DISC1: variants seen among roughly 807,000 people sequenced by gnomAD.
DISC1 encodes the protein DISC1 scaffold protein.
In DISC1, 57 loss-of-function variants were observed where a neutral mutation model predicts 84.5. The observed-to-expected ratio is 0.67, with a 90% CI of 0.55 to 0.84. The LOEUF (loss-of-function observed/expected upper bound fraction) is 0.84. Among genes scored for constraint, DISC1 ranks in the 40% least tolerant of loss-of-function variants. The pLI is 0.00. For missense variants in DISC1, 1,000 were observed against 1,057.8 expected (o/e 0.95, Z 0.76); for synonymous variants, 411 against 415.2 (o/e 0.99, Z 0.12).
intron 9 of DISC1, among the ~76,000 whole-genome samples, chr1:231,906,323 A>C (rs913925234): frequency 6.6e-6 from 1 of 152,170 alleles, no homozygotes; most frequent in Non-Finnish European, 1.5e-5. Context: ...TGCCCGGTCA[A>C]GGGCATGGAT....
intron 10 of DISC1, among the ~76,000 whole-genome samples, chr1:231,975,051 A>C (rs1382595545): frequency 2.0e-5 from 3 of 152,218 alleles, no homozygotes; most frequent in African/African-American, 7.2e-5. Context: ...GTGAGCTGAG[A>C]TCGCACCACT....
At chr1:231,679,526 T>G (rs1485392483) in intron 1 of DISC1, among the ~76,000 whole-genome samples, 2 of 152,240 alleles carry the variant, frequency 1.3e-5, no homozygotes, top group African/African-American at 4.8e-5. Flanking sequence ...GTTTAGTTGC[T>G]TTCCACAATG....
chr1:231,785,284 T>TATTA lies in DISC1; in HGVS notation c.1635-9955_1635-9954insAATT, dbSNP rs1410335922. On this transcript the variant is annotated intron_variant, in intron 6 of 12. Transcript: ENST00000439617. Reference sequence around the variant, plus strand: ...TTATTTATTTATTTATTTATTTATTTATTTATTTATTTAGAGACAAAGTCT... The same window carrying TATTA: ...TTATTTATTTATTTATTTATTTATTTATTAATTTATTTATTTAGAGACAAAGTCT... Among the ~76,000 whole-genome samples, 426 of 150,954 alleles carry TATTA rather than the reference T, an allele frequency of 2.8e-3. 2 individuals carry two copies. The highest frequency in any genetic ancestry group is 9.8e-3 in the African/African-American group (403 of 41,058).
intron 10 of DISC1, among the ~76,000 whole-genome samples, chr1:232,007,774 G>A (rs1043979087): frequency 6.6e-6 from 1 of 152,108 alleles, no homozygotes; most frequent in African/African-American, 2.4e-5. Flanking sequence ...AGAGGGGCTG[G>A]GGTGAAATGA....
chr1:231,719,019 G>A (rs145055768), intron 3 of DISC1, among the ~76,000 whole-genome samples: 1 of 152,152 alleles, frequency 6.6e-6, no homozygotes, highest in Non-Finnish European at 1.5e-5. Flanking sequence ...CAGCTACATG[G>A]GAGGCTGAGG....
chr1:231,855,997 T>A (rs73093434), intron 9 of DISC1, among the ~76,000 whole-genome samples: 1 of 152,312 alleles, frequency 6.6e-6, no homozygotes, highest in African/African-American at 2.4e-5. Context: ...GGTGACTATC[T>A]GGCGATGACA....
At chr1:231,851,983 G>A (rs2083933214) in intron 9 of DISC1, among the ~76,000 whole-genome samples, 2 of 152,140 alleles carry the variant, frequency 1.3e-5, no homozygotes, top group Admixed American at 1.3e-4. Flanking sequence ...TTAGGAGGAG[G>A]TCTGGCTGCT....
At chr1:231,950,535 G>C (rs1460042774) in intron 9 of DISC1, among the ~76,000 whole-genome samples, 3 of 152,182 alleles carry the variant, frequency 2.0e-5, no homozygotes, top group African/African-American at 4.8e-5. Flanking sequence ...GCTGTGAAGT[G>C]AACCTGCTTG....
intron 7 of DISC1, among the ~76,000 whole-genome samples, chr1:231,795,871 A>G (rs1000498256): frequency 6.6e-6 from 1 of 152,154 alleles, no homozygotes; most frequent in African/African-American, 2.4e-5. Context: ...CCTGGGAGAC[A>G]GAGCGAGACT....
At chr1:231,867,904 G>GAGC (rs1390498249) in intron 9 of DISC1, among the ~76,000 whole-genome samples, 1 of 152,218 alleles carries the variant, frequency 6.6e-6, no homozygotes, top group East Asian at 1.9e-4. Context: ...AAGGTGAGCA[G>GAGC]AGCACTTCAA....
At chr1:231,905,506 C>T (rs1038930449) in intron 9 of DISC1, among the ~76,000 whole-genome samples, 5 of 151,546 alleles carry the variant, frequency 3.3e-5, no homozygotes, top group Non-Finnish European at 5.9e-5. Flanking sequence ...CCTGTAGTTC[C>T]TGCTGCTTGG....
At chr1:231,979,830 GTTC>G (rs1449051045) in intron 10 of DISC1, among the ~76,000 whole-genome samples, 2 of 151,884 alleles carry the variant, frequency 1.3e-5, no homozygotes, top group East Asian at 1.9e-4. Flanking sequence ...AGTTTCTTTT[GTTC>G]TTAAGATAAA....
At chr1:231,870,027 G>A (rs1396760405) in intron 9 of DISC1, among the ~76,000 whole-genome samples, 1 of 152,190 alleles carries the variant, frequency 6.6e-6, no homozygotes, top group Non-Finnish European at 1.5e-5. Context: ...GAGCCTGTAA[G>A]CAGTGGTTAT....
intron 3 of DISC1, among the ~76,000 whole-genome samples, chr1:231,728,289 T>C (rs1230175926): frequency 6.6e-6 from 1 of 152,244 alleles, no homozygotes; most frequent in Non-Finnish European, 1.5e-5. Context: ...AGAGAATGTC[T>C]CTTGTTAAAG....
At chr1:231,667,198 G>C (rs1442223303) in intron 1 of DISC1, among the ~76,000 whole-genome samples, 1 of 152,190 alleles carries the variant, frequency 6.6e-6, no homozygotes, top group Non-Finnish European at 1.5e-5. Context: ...GGACCACAGA[G>C]GTCTTATTCT....
At chr1:231,867,515 G>A (rs1210673737) in intron 9 of DISC1, among the ~76,000 whole-genome samples, 1 of 152,130 alleles carries the variant, frequency 6.6e-6, no homozygotes, top group African/African-American at 2.4e-5. Flanking sequence ...TCCAGCCATG[G>A]GAGCATCCCC....
intron 6 of DISC1, chr1:231,771,660 T>A: frequency 2.2e-6 from 2 of 892,196 alleles, no homozygotes; most frequent in Non-Finnish European, 2.7e-6. Context: ...AAGTCCTAAT[T>A]AATAAGAGAG....
intron 9 of DISC1, among the ~76,000 whole-genome samples, chr1:231,859,185 G>A (rs2084473810): frequency 6.6e-6 from 1 of 152,182 alleles, no homozygotes; most frequent in Non-Finnish European, 1.5e-5. Flanking sequence ...ATGTCTATCT[G>A]ACACATTTTC....
chr1:231,881,545 A>G (rs1204206151), intron 9 of DISC1, among the ~76,000 whole-genome samples: 1 of 152,084 alleles, frequency 6.6e-6, no homozygotes, highest in Non-Finnish European at 1.5e-5. Flanking sequence ...TAAAGACCCT[A>G]TCCCCAAATA....
Sources: allele counts gnomAD v4.1 joint callset (sites outside exome capture counted in the v4.1 genomes callset), GRCh38; gene constraint gnomAD v4.1.1; transcripts MANE v1.5; gene names NCBI Gene and HGNC (gene_info 2026-07-23, HGNC 2026-07-21).